Variants in NR5A2 observed in about 807,000 individuals in gnomAD.
NR5A2 encodes CYP7A promoter-binding factor.
A neutral mutation model predicts 62.7 loss-of-function variants in NR5A2; 26 were observed. The observed-to-expected ratio is 0.41, with a 90% CI of 0.30 to 0.58. The LOEUF is 0.58. Ranked by LOEUF, NR5A2 falls within the 20% of genes least tolerant of loss-of-function variation. The probability of loss-of-function intolerance (pLI) is 0.22; values close to 1 mark genes in which losing one functional copy is unlikely to be tolerated. For synonymous variants in NR5A2, 246 were observed against 241.7 expected (o/e 1.02, Z -0.16); for missense variants, 541 against 669.1 (o/e 0.81, Z 2.11).
chr1:200,168,805 T>C (rs1654035489), intron 7 of NR5A2, among the ~76,000 whole-genome samples: 1 of 152,196 alleles, frequency 6.6e-6, no homozygotes, highest in Admixed American at 6.5e-5. Context: ...CTTCCAGAAG[T>C]TCTTACAAAA....
chr1:200,074,026 A>G (rs762139366), intron 5 of NR5A2, among the ~76,000 whole-genome samples: 1 of 152,178 alleles, frequency 6.6e-6, no homozygotes, highest in African/African-American at 2.4e-5. Context: ...TCAATCTTAA[A>G]GAATTCCTCT....
At chr1:200,141,361 A>G (rs1667437089) in intron 7 of NR5A2, among the ~76,000 whole-genome samples, 1 of 152,184 alleles carries the variant, frequency 6.6e-6, no homozygotes, top group East Asian at 1.9e-4. Flanking sequence ...ATATAAGTAT[A>G]TAGTATGTAA....
At chr1:200,099,782 C>T (rs1271999610) in intron 5 of NR5A2, among the ~76,000 whole-genome samples, 3 of 151,986 alleles carry the variant, frequency 2.0e-5, no homozygotes, top group Admixed American at 6.6e-5. Context: ...TTAGTAGAGA[C>T]GGAGTTTCAC....
chr1:200,145,224 C>G (rs947033605), intron 7 of NR5A2, among the ~76,000 whole-genome samples: 1 of 152,086 alleles, frequency 6.6e-6, no homozygotes, highest in African/African-American at 2.4e-5. Flanking sequence ...GCAGGAGAAT[C>G]GCCTGAACCC....
chr1:200,043,963 T>A, intron 3 of NR5A2, 71 bp downstream of exon 3: 1 of 995,974 alleles, frequency 1.0e-6, no homozygotes, highest in Non-Finnish European at 1.5e-6. Flanking sequence ...TTACTTCTTT[T>A]AAGCTAAATT....
At chr1:200,153,667 G>A (rs1653239335) in intron 7 of NR5A2, among the ~76,000 whole-genome samples, 1 of 152,144 alleles carries the variant, frequency 6.6e-6, no homozygotes, top group Non-Finnish European at 1.5e-5. Flanking sequence ...TTTAAAACAG[G>A]TATAGTGAAA....
At chr1:200,073,767 A>G (rs1350357624) in intron 5 of NR5A2, among the ~76,000 whole-genome samples, 1 of 152,022 alleles carries the variant, frequency 6.6e-6, no homozygotes, top group Non-Finnish European at 1.5e-5. Context: ...TAATATAGCA[A>G]ACATATATGG....
intron 5 of NR5A2, among the ~76,000 whole-genome samples, chr1:200,095,413 G>C (rs771109679): frequency 5.3e-5 from 8 of 152,142 alleles, no homozygotes; most frequent in Non-Finnish European, 1.2e-4. Context: ...AACAAATATA[G>C]AACAATGCTG....
chr1:200,040,608 C>G (rs1662018266), intron 2 of NR5A2, among the ~76,000 whole-genome samples: 1 of 152,198 alleles, frequency 6.6e-6, no homozygotes, highest in Non-Finnish European at 1.5e-5. Context: ...TGCTCTGGGC[C>G]AGGGAGGGAA....
intron 5 of NR5A2, among the ~76,000 whole-genome samples, chr1:200,104,011 AAG>A (rs1242316923): frequency 2.0e-5 from 3 of 152,192 alleles, no homozygotes; most frequent in African/African-American, 4.8e-5. Context: ...GGGAATAGAA[AAG>A]AGAGAGTCCA....
intron 7 of NR5A2, among the ~76,000 whole-genome samples, chr1:200,171,860 T>C (rs1163381516): frequency 6.6e-6 from 1 of 152,262 alleles, no homozygotes; most frequent in Non-Finnish European, 1.5e-5. Flanking sequence ...CTTTGTTTTA[T>C]GTTTGTTGGT....
chr1:200,106,991 C>T (rs534309795), intron 5 of NR5A2, among the ~76,000 whole-genome samples: 3 of 152,288 alleles, frequency 2.0e-5, no homozygotes, highest in East Asian at 1.9e-4. Context: ...AAAACCTCCT[C>T]GGAGAGTATT....
At chr1:200,145,375 G>C (rs1667648016) in intron 7 of NR5A2, among the ~76,000 whole-genome samples, 1 of 151,436 alleles carries the variant, frequency 6.6e-6, no homozygotes, top group Non-Finnish European at 1.5e-5. Flanking sequence ...TTTTTTACCA[G>C]TTTCTCAGAT....
In NR5A2 at chr1:200,075,395, C is replaced by T. The variant is rs544106151; in HGVS notation, c.1110+26577C>T. Among the ~76,000 whole-genome samples the T allele has an allele frequency of 1.6e-4, 25 of 152,288 alleles. 1 individual carries two copies. In the South Asian group the frequency reaches 5.2e-3, roughly 32 times the overall value. On this transcript the variant is annotated intron_variant, in intron 5 of 7. Coordinates refer to ENST00000367362, the MANE Select transcript of NR5A2 (RefSeq NM_205860.3). ...TTAATATAGGTTGATTCAGAATTACCATTGTGAATAACATTCACTTCTATT... is the reference window on the plus strand; with the variant it reads ...TTAATATAGGTTGATTCAGAATTACTATTGTGAATAACATTCACTTCTATT...
chr1:200,128,635 T>C (rs1423246992), intron 7 of NR5A2, among the ~76,000 whole-genome samples: 1 of 152,086 alleles, frequency 6.6e-6, no homozygotes, highest in African/African-American at 2.4e-5. Context: ...GCATTAAAAA[T>C]CCTAAAGTAG....
chr1:200,173,782 G>T (rs1654291420), intron 7 of NR5A2, among the ~76,000 whole-genome samples, 181 bp from the exon 8 acceptor site: 1 of 152,130 alleles, frequency 6.6e-6, no homozygotes, highest in South Asian at 2.1e-4. Context: ...TTCTTCTAAA[G>T]CTCTTTTGTG....
chr1:200,094,247 C>T (rs1289959971), intron 5 of NR5A2, among the ~76,000 whole-genome samples: 1 of 150,848 alleles, frequency 6.6e-6, no homozygotes, highest in Non-Finnish European at 1.5e-5. Context: ...TGCAGTGACG[C>T]CATCTCTGTT....
intron 6 of NR5A2, among the ~76,000 whole-genome samples, chr1:200,118,337 A>G (rs776665724): frequency 6.6e-6 from 1 of 152,202 alleles, no homozygotes; most frequent in Non-Finnish European, 1.5e-5. Flanking sequence ...GGTATTTACT[A>G]CAATATACTT....
chr1:200,066,702 C>G (rs905020311), intron 5 of NR5A2, among the ~76,000 whole-genome samples: 2 of 149,628 alleles, frequency 1.3e-5, no homozygotes, highest in Non-Finnish European at 3.0e-5. Flanking sequence ...ATCCTCCTGC[C>G]CCAGTCTCCT....
Sources: gnomAD v4.1 joint callset for allele counts (sites outside exome capture counted in the v4.1 genomes callset) on GRCh38, gnomAD v4.1.1 for gene constraint, MANE v1.5 for transcripts, NCBI Gene and HGNC (gene_info 2026-07-23, HGNC 2026-07-21) for gene names.